AOAH: variants seen among roughly 807,000 people sequenced by gnomAD.
The protein encoded by AOAH is acyloxyacyl hydrolase (neutrophil).
AOAH carries 64 observed loss-of-function variants against 92.2 expected under a neutral mutation model. The observed-to-expected ratio is 0.69, with a 90% confidence interval of 0.57 to 0.86. AOAH has a LOEUF of 0.86. Among genes scored for constraint, AOAH ranks in the 40% least tolerant of loss-of-function variants. AOAH has a pLI of 0.00. For synonymous variants in AOAH, 263 were observed against 254.5 expected (o/e 1.03, Z -0.32); for missense variants, 656 against 694.6 (o/e 0.94, Z 0.62).
chr7:36,552,890 G>A (rs1296057152), intron 13 of AOAH, among the ~76,000 whole-genome samples: 1 of 151,934 alleles, frequency 6.6e-6, no homozygotes, highest in African/African-American at 2.4e-5. Context: ...CATGTTACTA[G>A]CAACGACATG....
chr7:36,585,170 G>A (rs551596178), intron 12 of AOAH, among the ~76,000 whole-genome samples: 1 of 152,102 alleles, frequency 6.6e-6, no homozygotes, highest in South Asian at 2.1e-4. Context: ...TGTAGCTGAA[G>A]ACAGAGAGGC....
intron 1 of AOAH, 23 bp from the exon 2 acceptor site, chr7:36,686,817 G>A: frequency 6.8e-7 from 1 of 1,479,374 alleles, no homozygotes; most frequent in Non-Finnish European, 9.1e-7. Flanking sequence ...AGAAGAACAT[G>A]TAATCTGTGT....
intron 13 of AOAH, chr7:36,550,220 G>C (rs1786122569): frequency 1.3e-5 from 2 of 152,338 alleles, no homozygotes; most frequent in South Asian, 4.1e-4. Context: ...AGCCAGGCGT[G>C]GTGGCGTGCG....
At chr7:36,705,984 C>T (rs1479318528) in intron 1 of AOAH, among the ~76,000 whole-genome samples, 1 of 152,108 alleles carries the variant, frequency 6.6e-6, no homozygotes, top group East Asian at 1.9e-4. Flanking sequence ...GAACCCCTTC[C>T]TTACACCTTA....
intron 13 of AOAH, among the ~76,000 whole-genome samples, chr7:36,556,278 A>T (rs1786705093): frequency 6.6e-6 from 1 of 152,100 alleles, no homozygotes; most frequent in South Asian, 2.1e-4. Flanking sequence ...TTCAGTTTCC[A>T]TGTAGTTGAG....
At chr7:36,692,888 T>C (rs10951492) in intron 1 of AOAH, among the ~76,000 whole-genome samples, 85,301 of 151,960 alleles carry the variant, frequency 0.56, 24,333 homozygotes, top group East Asian at 0.83. Flanking sequence ...ACTGGTGTAA[T>C]CTCTCAGTGA....
chr7:36,686,412 A>C lies in AOAH; in HGVS notation c.223+287T>G, dbSNP rs115701389. ...GCAATGATCAGTAAGTAGGCAAATTATTATTAATGTAACACATCAAACAAC... is the reference window on the plus strand; with the variant it reads ...GCAATGATCAGTAAGTAGGCAAATTCTTATTAATGTAACACATCAAACAAC... On this transcript the variant is annotated intron_variant, in intron 2 of 20. Transcript: ENST00000617537. Among the ~76,000 whole-genome samples, 981 of 152,348 alleles carry C rather than the reference A, an allele frequency of 6.4e-3. 11 individuals are homozygous for C. Among genetic ancestry groups the C allele is most frequent in the African/African-American group, 0.022 (935 of 41,590 alleles).
chr7:36,530,716 T>C (rs1257640734), intron 18 of AOAH: 3 of 520,890 alleles, frequency 5.8e-6, no homozygotes, highest in Non-Finnish European at 1.0e-5. Flanking sequence ...TTAATGTTCA[T>C]TAGGAATCAA....
At chr7:36,643,527 G>T (rs1434601292) in intron 4 of AOAH, among the ~76,000 whole-genome samples, 1 of 152,152 alleles carries the variant, frequency 6.6e-6, no homozygotes, top group Non-Finnish European at 1.5e-5. Context: ...GCACAAGCAT[G>T]GTGGCAGCTA....
intron 1 of AOAH, among the ~76,000 whole-genome samples, chr7:36,688,633 C>A (rs1797186459): frequency 6.6e-6 from 1 of 152,080 alleles, no homozygotes; most frequent in Non-Finnish European, 1.5e-5. Context: ...AATGGTGTGA[C>A]TTTGAACAAG....
intron 1 of AOAH, among the ~76,000 whole-genome samples, chr7:36,720,006 C>T (rs1000086225): frequency 2.6e-5 from 4 of 151,916 alleles, no homozygotes; most frequent in East Asian, 1.9e-4. Context: ...TGCCTAATCA[C>T]CTTTTGCTCA....
chr7:36,623,837 C>T (rs1162130513), intron 6 of AOAH, among the ~76,000 whole-genome samples: 2 of 152,182 alleles, frequency 1.3e-5, no homozygotes, highest in Non-Finnish European at 2.9e-5. Flanking sequence ...CCAGACTTTT[C>T]CCAGCTTCTC....
intron 1 of AOAH, among the ~76,000 whole-genome samples, chr7:36,709,900 G>A (rs142428538): frequency 6.6e-6 from 1 of 152,100 alleles, no homozygotes; most frequent in Non-Finnish European, 1.5e-5. Context: ...CAAAAAACTT[G>A]TTCAGTCTGC....
chr7:36,694,986 ATTCTGTC>A (rs2116847462), intron 1 of AOAH, among the ~76,000 whole-genome samples: 1 of 152,268 alleles, frequency 6.6e-6, no homozygotes, highest in South Asian at 2.1e-4. Flanking sequence ...GCCCAATATT[ATTCTGTC>A]TTTATACACA....
At chr7:36,715,706 G>A (rs10233529) in intron 1 of AOAH, among the ~76,000 whole-genome samples, 1 of 130,610 alleles carries the variant, frequency 7.7e-6, no homozygotes, top group East Asian at 2.5e-4. Context: ...ACAAACCTGA[G>A]AAAAACAGGC....
At chr7:36,644,086 G>T (rs544584873) in intron 4 of AOAH, among the ~76,000 whole-genome samples, 1 of 152,228 alleles carries the variant, frequency 6.6e-6, no homozygotes, top group Non-Finnish European at 1.5e-5. Flanking sequence ...CATCAAGGCT[G>T]TTACAATGTA....
chr7:36,563,464 C>A (rs996788635), intron 13 of AOAH, among the ~76,000 whole-genome samples: 3 of 152,116 alleles, frequency 2.0e-5, no homozygotes, highest in Admixed American at 6.5e-5. Context: ...GGTGGTGGCC[C>A]TAATTCTGAT....
intron 14 of AOAH, among the ~76,000 whole-genome samples, 193 bp from the exon 15 acceptor site, chr7:36,548,879 A>G (rs1030496569): frequency 7.2e-5 from 11 of 152,280 alleles, no homozygotes; most frequent in Admixed American, 2.6e-4. Context: ...TCATTATCCC[A>G]CTTGCCTATT....
chr7:36,658,269 A>G (rs983364652), intron 4 of AOAH, among the ~76,000 whole-genome samples: 43 of 152,222 alleles, frequency 2.8e-4, no homozygotes, highest in Admixed American at 2.7e-3. Flanking sequence ...GTCATTGGTT[A>G]GGCCACAAAG....
Sources: allele counts gnomAD v4.1 joint callset (sites outside exome capture counted in the v4.1 genomes callset), GRCh38; gene constraint gnomAD v4.1.1; transcripts MANE v1.5; gene names NCBI Gene and HGNC (gene_info 2026-07-23, HGNC 2026-07-21).